NCOA1: variants seen among roughly 807,000 people sequenced by gnomAD.
The protein encoded by NCOA1 is nuclear receptor coactivator 1, also known as Hin-2 protein.
NCOA1 carries 35 observed loss-of-function variants against 150.9 expected under a neutral mutation model. The observed-to-expected ratio is 0.23, with a 90% CI of 0.18 to 0.31. The LOEUF (loss-of-function observed/expected upper bound fraction) is 0.31, where lower values mean the gene tolerates loss of function less well. NCOA1 is among the 10% of genes least tolerant of loss of function. The pLI is 1.00. For synonymous variants in NCOA1, 590 were observed against 630.0 expected, an observed-to-expected ratio of 0.94 and a Z score of 0.95; for missense variants, 1,491 against 1,749.3, an observed-to-expected ratio of 0.85 and a Z score of 2.63.
At chr2:24,574,459 C>A (rs1171850635) in intron 2 of NCOA1, among the ~76,000 whole-genome samples, 1 of 151,980 alleles carries the variant, frequency 6.6e-6, no homozygotes, top group Non-Finnish European at 1.5e-5. Flanking sequence ...CAGTAAAACT[C>A]TTTTGGGGGA....
chr2:24,581,415 C>G (rs557760977), intron 2 of NCOA1, among the ~76,000 whole-genome samples: 1 of 152,360 alleles, frequency 6.6e-6, no homozygotes, highest in South Asian at 2.1e-4. Flanking sequence ...TCTAGGCTCC[C>G]TACTTCACCT....
chr2:24,665,965 T>C (rs773282429), intron 6 of NCOA1, 50 bp downstream of exon 6: 1 of 1,145,094 alleles, frequency 8.7e-7, no homozygotes, highest in Non-Finnish European at 1.2e-6. Context: ...TATTAAGACA[T>C]TTATAATATG....
intron 17 of NCOA1, among the ~76,000 whole-genome samples, chr2:24,738,904 T>C (rs544053853): frequency 6.6e-6 from 1 of 152,344 alleles, no homozygotes; most frequent in African/African-American, 2.4e-5. Flanking sequence ...TACATAATAC[T>C]GTCTAGCTAA....
chr2:24,567,494 A>G (rs559211473), intron 2 of NCOA1, among the ~76,000 whole-genome samples: 1 of 152,216 alleles, frequency 6.6e-6, no homozygotes, highest in African/African-American at 2.4e-5. Context: ...TCTTTTATTC[A>G]GAATGGTTAC....
chr2:24,627,121 G>GTTTTTTTTTTTTTTT (rs33949925), intron 3 of NCOA1, among the ~76,000 whole-genome samples: 2 of 115,162 alleles, frequency 1.7e-5, no homozygotes, highest in Non-Finnish European at 3.5e-5. Context: ...GTTTTTTGCT[G>GTTTTTTTTTTTTTTT]TTTTTTTTTT....
At position 24,769,316 on chromosome 2, in the gene NCOA1, T is replaced by C. The variant is rs1452077280; in HGVS notation, c.*925T>C. On this transcript the variant is annotated 3_prime_UTR_variant, in exon 23 of 23. Transcript: ENST00000348332. ...TCTTGTAGAAATTGATTTCCTTCTGTTTAATTTTATGCTTTTATTATACTC... is the reference window on the plus strand; with the variant it reads ...TCTTGTAGAAATTGATTTCCTTCTGCTTAATTTTATGCTTTTATTATACTC... 1.1e-5 allele frequency: 2 copies of C among 188,548 alleles called. No individual in the cohort carries two copies. Among genetic ancestry groups the C allele is most frequent in the Non-Finnish European group, 2.2e-5 (2 of 89,400 alleles). 11.7% of individuals were successfully genotyped at this position (188,548 alleles called of 1,614,324 possible). A position where few individuals can be genotyped will look rare whatever the true frequency, so the allele number is the denominator to read the frequency against.
In NCOA1 at chr2:24,707,699, A is replaced by T. The variant is rs1382922183; in HGVS notation, c.2229A>T (p.Ser743=). The T allele has an allele frequency of 1.2e-6, 2 of 1,614,112 alleles. No individual in the cohort carries two copies. The highest frequency in any genetic ancestry group is 1.7e-6 in the Non-Finnish European group (2 of 1,180,024). Residue 743 remains serine, a synonymous_variant, in exon 13 of 23, where the codon TCA becomes TCT. Transcript: ENST00000348332. ...TGGATGCTTCAAAGAAAAAAGAATC[A>T]AAAGACCATCAGCTCCTACGCTATC... is the stretch of plus-strand genomic sequence containing the variant. ...LELDASKKKE[S]KDHQLLRYLL... is the part of the protein sequence containing the mutation.
chr2:24,701,675 T>C lies in NCOA1; in HGVS notation c.950-3411T>C, dbSNP rs554846948. Among the ~76,000 whole-genome samples, 4 of 152,380 alleles carry C rather than the reference T, an allele frequency of 2.6e-5. No individual in the cohort carries two copies. The South Asian group carries it at 8.3e-4, about 32-fold the overall frequency. ...TTGACTTGTTCTTTGTTCATCTCTC[T>C]ATTAACTTTATATTAAAATAAAGCC... On this transcript the variant is annotated intron_variant, in intron 11 of 22. Coordinates refer to ENST00000348332, the MANE Select transcript of NCOA1 (RefSeq NM_003743.5).
chr2:24,610,115 G>T (rs139248539), intron 3 of NCOA1, among the ~76,000 whole-genome samples: 2 of 144,858 alleles, frequency 1.4e-5, no homozygotes, highest in African/African-American at 5.1e-5. Flanking sequence ...TGTGACTATA[G>T]GCTGCATTCT....
intron 3 of NCOA1, among the ~76,000 whole-genome samples, chr2:24,585,497 A>AT (rs939858391): frequency 1.1e-3 from 164 of 149,814 alleles, no homozygotes; most frequent in African/African-American, 3.5e-3. Context: ...ACATTCACAG[A>AT]TTTTTTTTTT....
chr2:24,723,401 T>TA (rs1674454773), intron 14 of NCOA1, among the ~76,000 whole-genome samples: 1 of 152,206 alleles, frequency 6.6e-6, no homozygotes, highest in Non-Finnish European at 1.5e-5. Context: ...TGAATAATCT[T>TA]ATGTAGAGAT....
At chr2:24,572,902 A>G (rs1435643567) in intron 2 of NCOA1, among the ~76,000 whole-genome samples, 1 of 152,172 alleles carries the variant, frequency 6.6e-6, no homozygotes, top group African/African-American at 2.4e-5. Flanking sequence ...GGGGGCCCGT[A>G]GGTTATTGAT....
chr2:24,531,945 G>T (rs1372696223), intron 1 of NCOA1, among the ~76,000 whole-genome samples: 2 of 152,194 alleles, frequency 1.3e-5, no homozygotes, highest in Non-Finnish European at 2.9e-5. Flanking sequence ...ATAGTAGCAT[G>T]ATTTATAATC....
chr2:24,719,630 A>G (rs1674257730), intron 14 of NCOA1, among the ~76,000 whole-genome samples: 1 of 152,188 alleles, frequency 6.6e-6, no homozygotes, highest in Non-Finnish European at 1.5e-5. Context: ...GATGTCCTTA[A>G]ACAGGGGAAA....
chr2:24,707,164 G>C lies in NCOA1; in HGVS notation c.1694G>C (p.Ser565Thr). The C allele has an allele frequency of 6.2e-7, 1 of 1,614,200 alleles. No individual in the cohort carries two copies. Among genetic ancestry groups the C allele is most frequent in the Non-Finnish European group, 8.5e-7 (1 of 1,180,046 alleles). ...AGTTCTCCAGTCCTCAGGCAGATGA[G>C]CTCACAGAATTCACCTAGCAGATTA... ...SASSPVLRQM[S>T]SQNSPSRLNI... Residue 565 changes from serine (S) to threonine (T), a missense_variant, in exon 13 of 23, where the codon AGC becomes ACC. Coordinates refer to ENST00000348332, the MANE Select transcript of NCOA1 (RefSeq NM_003743.5).
At chr2:24,732,701 G>A (rs1265851017) in intron 17 of NCOA1, among the ~76,000 whole-genome samples, 3 of 152,156 alleles carry the variant, frequency 2.0e-5, no homozygotes, top group East Asian at 3.8e-4. Flanking sequence ...GCAGACCAAG[G>A]TGTGGTTACT....
At chr2:24,597,953 G>A (rs534452311) in intron 3 of NCOA1, among the ~76,000 whole-genome samples, 12 of 151,784 alleles carry the variant, frequency 7.9e-5, no homozygotes, top group Non-Finnish European at 1.5e-4. Context: ...AACAGGCCCC[G>A]GTGTGTGATG....
intron 2 of NCOA1, among the ~76,000 whole-genome samples, chr2:24,565,125 G>A (rs974661040): frequency 6.6e-6 from 1 of 152,126 alleles, no homozygotes; most frequent in Non-Finnish European, 1.5e-5. Context: ...TAAAGAATCA[G>A]GTGACACTTC....
chr2:24,704,082 A>G (rs1311355817), intron 11 of NCOA1, among the ~76,000 whole-genome samples: 3 of 152,198 alleles, frequency 2.0e-5, no homozygotes, highest in Non-Finnish European at 4.4e-5. Flanking sequence ...GCTACTTATA[A>G]AGTGACTTGA....
Sources: allele counts gnomAD v4.1 joint callset (sites outside exome capture counted in the v4.1 genomes callset), GRCh38; gene constraint gnomAD v4.1.1; transcripts MANE v1.5; gene names NCBI Gene and HGNC (gene_info 2026-07-23, HGNC 2026-07-21).